The following KCNK4 variants were observed in gnomAD, a reference collection of about 807,000 sequenced individuals.
KCNK4 encodes the protein potassium channel subfamily K member 4.
In KCNK4, 22 loss-of-function variants were observed where a neutral mutation model predicts 28.8. The ratio of observed to expected loss-of-function variants is 0.76; its 90% CI spans 0.55 to 1.09. The LOEUF (loss-of-function observed/expected upper bound fraction) is 1.09, where lower values mean the gene tolerates loss of function less well. KCNK4 is among the 50% of genes least tolerant of loss of function. KCNK4 has a pLI of 0.00. For missense variants in KCNK4, 483 were observed against 546.3 expected, an observed-to-expected ratio of 0.88 and a Z score of 1.15; for synonymous variants, 263 against 252.9, an observed-to-expected ratio of 1.04 and a Z score of -0.38.
chr11:64,297,105 G>A lies in KCNK4; in HGVS notation c.314-14G>A, dbSNP rs747521051. On this transcript the variant is annotated splice_polypyrimidine_tract_variant and intron_variant, in intron 3 of 6. Coordinates refer to ENST00000422670, the MANE Select transcript of KCNK4 (RefSeq NM_033310.3). ...AGGTGGCCCCTAGACTTCCTGCATC[G>A]CCCCTCTGCCCAGGCTATGGCAATG... is the stretch of plus-strand genomic sequence containing the variant. 35 of 1,614,048 alleles carry A rather than the reference G, an allele frequency of 2.2e-5. No individual in the cohort carries two copies. The South Asian group carries it at 2.3e-4, about 11-fold the overall frequency.
At chr11:64,294,681 T>A (rs2034722837) in intron 2 of KCNK4, among the ~76,000 whole-genome samples, 1 of 152,152 alleles carries the variant, frequency 6.6e-6, no homozygotes, top group African/African-American at 2.4e-5. Flanking sequence ...AAGAGTACCC[T>A]TTGTTCCCTG....
chr11:64,297,069 G>A (rs779877638), intron 3 of KCNK4, 50 bp from the exon 4 acceptor site: 38 of 1,610,616 alleles, frequency 2.4e-5, no homozygotes, highest in Admixed American at 1.5e-4. Flanking sequence ...GCAGGGAGAC[G>A]GAGGGGTCCC....
intron 6 of KCNK4, among the ~76,000 whole-genome samples, chr11:64,299,050 G>GAAAAAAAAAAAAAAAAAAAAAAAAAA (rs56097945): frequency 1.2e-5 from 1 of 85,076 alleles, no homozygotes; most frequent in Non-Finnish European, 2.2e-5. Context: ...AAAAAAAGAA[G>GAAAAAAAAAAAAAAAAAAAAAAAAAA]AAAAAAAAAA....
intron 1 of KCNK4, 34 bp from the exon 2 acceptor site, chr11:64,292,908 T>C: frequency 7.0e-7 from 1 of 1,438,120 alleles, no homozygotes; most frequent in Non-Finnish European, 9.1e-7. Flanking sequence ...TCAGGCCAGC[T>C]CAGTGACCCC....
chr11:64,296,835 G>T, intron 2 of KCNK4, 43 bp from the exon 3 acceptor site: 1 of 1,496,386 alleles, frequency 6.7e-7, no homozygotes, highest in Non-Finnish European at 8.9e-7. Context: ...CCCTAGACAG[G>T]AGGGAAGAAC....
At position 64,298,165 on chromosome 11, in the gene KCNK4, C is replaced by T; in HGVS notation, c.717C>T (p.Ile239=). The part of the protein sequence containing the change: ...PAYQPLVWFW[I]LLGLAYFASV... ...ATCAGCCGCTGGTGTGGTTCTGGAT[C>T]CTGCTCGGCCTGGCTTACTTCGCCT... Residue 239 remains isoleucine, a synonymous_variant, in exon 6 of 7, where the codon ATC becomes ATT. Transcript: ENST00000422670. 1 of 1,613,912 alleles carries T rather than the reference C, an allele frequency of 6.2e-7. No individual in the cohort carries two copies. Among genetic ancestry groups the T allele is most frequent in the Non-Finnish European group, 8.5e-7 (1 of 1,180,028 alleles).
intron 1 of KCNK4, 100 bp from the exon 2 acceptor site, chr11:64,292,842 C>A: frequency 7.6e-7 from 1 of 1,314,100 alleles, no homozygotes. Context: ...GACAGTGCAG[C>A]TGGGGGCTTT....
At chr11:64,298,403 G>A (rs2135234271) in intron 6 of KCNK4, among the ~76,000 whole-genome samples, 154 bp downstream of exon 6, 1 of 152,346 alleles carries the variant, frequency 6.6e-6, no homozygotes, top group East Asian at 1.9e-4. Flanking sequence ...GGGAACAGAG[G>A]GGTATAAGTT....
chr11:64,297,021 T>C lies in KCNK4; in HGVS notation c.313+20T>C, dbSNP rs774477563. The C allele has an allele frequency of 3.1e-5, 48 of 1,572,740 alleles. No individual in the cohort carries two copies. The South Asian group carries it at 5.4e-4, about 18-fold the overall frequency. Reference sequence around the variant, plus strand: ...CCATCGGTGGGGGAGGGGATTGGCATGTGGGGGGCGGCAAGGAGCTTCCTC... The same window carrying C: ...CCATCGGTGGGGGAGGGGATTGGCACGTGGGGGGCGGCAAGGAGCTTCCTC... On this transcript the variant is annotated intron_variant, in intron 3 of 6. Transcript: ENST00000422670.
At chr11:64,293,953 A>C (rs891706525) in intron 2 of KCNK4, among the ~76,000 whole-genome samples, 1 of 152,120 alleles carries the variant, frequency 6.6e-6, no homozygotes, top group Non-Finnish European at 1.5e-5. Flanking sequence ...TTGTTTGCTA[A>C]ATCTGGCAAC....
chr11:64,299,783 C>A lies in KCNK4; in HGVS notation c.*57C>A. On this transcript the variant is annotated 3_prime_UTR_variant, in exon 7 of 7. Coordinates refer to ENST00000422670, the MANE Select transcript of KCNK4 (RefSeq NM_033310.3). ...CTTCGTTTCTGCTCTCCCCGGCATG[C>A]CTGGCTTGTTTGACCAAAGAGCCCT... 1 of 1,536,942 alleles carries A rather than the reference C, an allele frequency of 6.5e-7. No individual in the cohort carries two copies. Among genetic ancestry groups the A allele is most frequent in the South Asian group, 1.2e-5 (1 of 84,250 alleles).
At chr11:64,298,697 TAAC>T (rs1357056916) in intron 6 of KCNK4, among the ~76,000 whole-genome samples, 4 of 151,078 alleles carry the variant, frequency 2.6e-5, no homozygotes, top group South Asian at 2.1e-4. Context: ...AAACAAACAT[TAAC>T]AACAACAACA....
rs770811105 is a variant in KCNK4 at position 64,299,666 on chromosome 11, C to G, written c.1122C>G (p.Pro374=). ...GAGGTCGCCGCCGCCCAAATCCCCCCAGGAAGCCCGTGCGGCCCCGCGGCC... is the reference window on the plus strand; with the variant it reads ...GAGGTCGCCGCCGCCCAAATCCCCCGAGGAAGCCCGTGCGGCCCCGCGGCC... ...APRGRRRPNP[P]RKPVRPRGPG... The change falls in exon 7 of 7, where the codon CCC becomes CCG. Residue 374 remains proline, a synonymous_variant. Transcript: ENST00000422670. 6 of 1,607,536 alleles carry G rather than the reference C, an allele frequency of 3.7e-6. No individual in the cohort carries two copies. The African/African-American group carries it at 6.7e-5, about 18-fold the overall frequency.
chr11:64,297,178 C>A lies in KCNK4; in HGVS notation c.373C>A (p.Leu125Met). 1 of 1,614,164 alleles carries A rather than the reference C, an allele frequency of 6.2e-7. No individual in the cohort carries two copies. Among genetic ancestry groups the A allele is most frequent in the Non-Finnish European group, 8.5e-7 (1 of 1,180,040 alleles). ...GCGCCTCTTCTGCATCTTTTATGCG[C>A]TGGTGGGGATTCCGCTGTTTGGGAT... ...AGRLFCIFYALVGIPLFGILL... is the reference protein window; with the variant it reads ...AGRLFCIFYAMVGIPLFGILL... Residue 125 changes from leucine to methionine, a missense_variant, in exon 4 of 7, where the codon CTG (leucine) becomes ATG (methionine). Leu to Met is a conservative substitution (Grantham distance 15). Coordinates refer to ENST00000422670, the MANE Select transcript of KCNK4 (RefSeq NM_033310.3).
chr11:64,295,783 G>A (rs943853180), intron 2 of KCNK4, among the ~76,000 whole-genome samples: 1 of 152,058 alleles, frequency 6.6e-6, no homozygotes, highest in Admixed American at 6.5e-5. Flanking sequence ...GTGTTGAGCA[G>A]CCACTTTAGG....
At chr11:64,297,030 C>T (rs761063116) in intron 3 of KCNK4, 29 bp downstream of exon 3, 30 of 1,575,894 alleles carry the variant, frequency 1.9e-5, no homozygotes, top group African/African-American at 2.7e-5. Context: ...ATGTGGGGGG[C>T]GGCAAGGAGC....
intron 1 of KCNK4, 50 bp from the exon 2 acceptor site, chr11:64,292,892 T>A: frequency 7.0e-7 from 1 of 1,426,848 alleles, no homozygotes; most frequent in East Asian, 2.6e-5. Context: ...GAGGAGGGTG[T>A]GGGTGTCAGG....
chr11:64,293,574 C>T (rs1316227757), intron 2 of KCNK4, among the ~76,000 whole-genome samples: 1 of 152,194 alleles, frequency 6.6e-6, no homozygotes, highest in Admixed American at 6.5e-5. Flanking sequence ...CCAAGACTCT[C>T]ATTTAAACAT....
intron 2 of KCNK4, among the ~76,000 whole-genome samples, chr11:64,296,650 A>T (rs1321905699): frequency 1.3e-5 from 2 of 152,152 alleles, no homozygotes; most frequent in Non-Finnish European, 2.9e-5. Context: ...TAGGGGCCAG[A>T]TACTGAAAAT....
Sources: gnomAD v4.1 joint callset for allele counts (sites outside exome capture counted in the v4.1 genomes callset) on GRCh38, gnomAD v4.1.1 for gene constraint, MANE v1.5 for transcripts, NCBI Gene and HGNC (gene_info 2026-07-23, HGNC 2026-07-21) for gene names.